Variants in NLRP2 observed in about 807,000 individuals in gnomAD.
NLRP2 encodes the protein NACHT, LRR and PYD domains-containing protein 2.
A neutral mutation model predicts 97.2 loss-of-function variants in NLRP2; 107 were observed. The observed-to-expected ratio is 1.10, with a 90% CI of 0.94 to 1.29. NLRP2 has a LOEUF of 1.29. NLRP2 is among the 50% of genes most tolerant of loss of function. The pLI, the probability that NLRP2 is intolerant of heterozygous loss-of-function variation, is 0.00. For missense variants in NLRP2, 1,495 were observed against 1,330.3 expected (o/e 1.12, Z -1.93); for synonymous variants, 663 against 551.5 (o/e 1.20, Z -2.83).
rs1453006401 is a variant in NLRP2 at position 54,994,396 on chromosome 19, T to C, written c.2836T>C (p.Cys946Arg). 1 of 1,613,456 alleles carries C rather than the reference T, an allele frequency of 6.2e-7. No homozygotes were observed. Among genetic ancestry groups the C allele is most frequent in the African/African-American group, 1.3e-5 (1 of 74,894 alleles). Residue 946 changes from cysteine (C) to arginine (R), a missense_variant, in exon 11 of 13, where the codon TGT becomes CGT. Coordinates refer to ENST00000448584, the MANE Select transcript of NLRP2 (RefSeq NM_017852.5). The stretch of plus-strand genomic sequence containing the variant: ...AGGAGTTAAGGGAATGAAGTTCCTG[T>C]GTGAGGCTTTGAGGAAACCACTGTG... ...HIGVKGMKFL[C>R]EALRKPLCNL... is the part of the protein sequence containing the mutation.
At chr19:54,976,486 A>G (rs2146382918) in intron 3 of NLRP2, among the ~76,000 whole-genome samples, 1 of 151,816 alleles carries the variant, frequency 6.6e-6, no homozygotes, top group African/African-American at 2.4e-5. Flanking sequence ...AGCTGGGATT[A>G]CAGGCGCCTA....
At chr19:54,984,415 C>T (rs889502377) in intron 6 of NLRP2, among the ~76,000 whole-genome samples, 2 of 131,394 alleles carry the variant, frequency 1.5e-5, no homozygotes, top group African/African-American at 5.6e-5. Context: ...ACTGAGATTA[C>T]AGGCATGAGT....
At chr19:54,988,676 C>T (rs1022820163) in intron 8 of NLRP2, among the ~76,000 whole-genome samples, 3 of 152,074 alleles carry the variant, frequency 2.0e-5, no homozygotes, top group African/African-American at 7.2e-5. Flanking sequence ...TGTGCCACCA[C>T]GCCCAGCTAA....
At chr19:54,977,487 T>TTG (rs61515967) in intron 3 of NLRP2, among the ~76,000 whole-genome samples, 21,003 of 147,338 alleles carry the variant, frequency 0.14, 1,676 homozygotes, top group Non-Finnish European at 0.18. Context: ...CGTGAGTAGT[T>TTG]TGTGTGTGTG....
intron 10 of NLRP2, among the ~76,000 whole-genome samples, chr19:54,992,574 G>GTTTTTTTTT (rs71181722): frequency 1.1e-5 from 1 of 94,974 alleles, no homozygotes; most frequent in Non-Finnish European, 2.0e-5. Flanking sequence ...TTTTTTTTTG[G>GTTTTTTTTT]TTTTTTTTTT....
Position 54,990,524 on chromosome 19 carries a change from G to A in NLRP2, c.2560G>A (p.Glu854Lys), listed in dbSNP as rs776814479. The change falls in exon 10 of 13, where the codon GAA becomes AAA. Residue 854 changes from glutamate (E) to lysine (K), a missense_variant. Coordinates refer to ENST00000448584, the MANE Select transcript of NLRP2 (RefSeq NM_017852.5). ...TAGGTTGGAAAACTGTCACCTTACA[G>A]AAGCCAATTGCAAGGACCTTGCTGC... ...RLSLENCHLTEANCKDLAAVL... is the reference protein window; with the variant it reads ...RLSLENCHLTKANCKDLAAVL... The A allele has an allele frequency of 6.2e-7, 1 of 1,614,172 alleles. No individual in the cohort carries two copies. The highest frequency in any genetic ancestry group is 8.5e-7 in the Non-Finnish European group (1 of 1,180,034).
chr19:54,970,254 A>C lies in NLRP2; in HGVS notation c.239A>C (p.His80Pro), dbSNP rs199475706. Residue 80 changes from histidine (H) to proline (P), a missense_variant, in exon 2 of 13, where the codon CAC becomes CCC. Transcript: ENST00000448584. Reference sequence around the variant, plus strand: ...AGCCTCCAGGTCTTTGAAAAGATGCACCGAATGGATCTGTCTGAGAGAGCA... The same window carrying C: ...AGCCTCCAGGTCTTTGAAAAGATGCCCCGAATGGATCTGTCTGAGAGAGCA... ...MASLQVFEKM[H>P]RMDLSERAKD... 6.2e-7 allele frequency: 1 copy of C among 1,614,166 alleles called. No homozygotes were observed. Among genetic ancestry groups the C allele is most frequent in the East Asian group, 2.2e-5 (1 of 44,874 alleles).
intron 4 of NLRP2, 55 bp downstream of exon 4, chr19:54,977,878 C>G: frequency 1.4e-6 from 2 of 1,470,138 alleles, no homozygotes; most frequent in Admixed American, 1.7e-5. Flanking sequence ...CCCGTTCTTG[C>G]TGCTATCTCC....
At chr19:54,989,952 C>A (rs2072347513) in intron 8 of NLRP2, 70 bp from the exon 9 acceptor site, 1 of 1,565,270 alleles carries the variant, frequency 6.4e-7, no homozygotes, top group Non-Finnish European at 8.8e-7. Flanking sequence ...GATTGCGCCA[C>A]CTGGGCAACA....
chr19:54,998,631 C>CTTTTTTTTTTTTTTTTTT (rs1179005483), intron 12 of NLRP2, among the ~76,000 whole-genome samples: 47 of 61,120 alleles, frequency 7.7e-4, no homozygotes, highest in African/African-American at 1.1e-3. Flanking sequence ...TTTTTTTTTC[C>CTTTTTTTTTTTTTTTTTT]TTTTTTTTTT....
chr19:54,997,638 A>T, intron 12 of NLRP2, 151 bp downstream of exon 12: 1 of 858,522 alleles, frequency 1.2e-6, no homozygotes, highest in Non-Finnish European at 1.9e-6. Flanking sequence ...TTTCACTTGG[A>T]GAAACGGGGT....
intron 12 of NLRP2, among the ~76,000 whole-genome samples, chr19:54,997,771 T>TC (rs1364134705): frequency 6.6e-6 from 1 of 150,536 alleles, no homozygotes; most frequent in Non-Finnish European, 1.5e-5. Flanking sequence ...TTTTTTTTTT[T>TC]CCTTTGAGGC....
At position 54,982,772 on chromosome 19, in the gene NLRP2, C is replaced by T. The variant is rs756888601; in HGVS notation, c.1074C>T (p.Gly358=). The change falls in exon 6 of 13, where the codon GGC becomes GGT. Residue 358 remains glycine (G), a synonymous_variant. Transcript: ENST00000448584. ...AGCCGATCTACATAAGGGTGGAGGGCTTCCTGGAGGAGGACAGGAGGGCCT... is the reference window on the plus strand; with the variant it reads ...AGCCGATCTACATAAGGGTGGAGGGTTTCCTGGAGGAGGACAGGAGGGCCT... ...AEEPIYIRVE[G]FLEEDRRAYF... is the part of the protein sequence containing the mutation. 5.0e-6 allele frequency: 8 copies of T among 1,614,016 alleles called. No individual in the cohort carries two copies. In the African/African-American group the frequency reaches 5.3e-5, roughly 11 times the overall value.
chr19:54,984,329 G>GTGTGTTTTTTTTTT, intron 6 of NLRP2, among the ~76,000 whole-genome samples: 3 of 79,670 alleles, frequency 3.8e-5, no homozygotes, highest in Admixed American at 1.5e-4. Context: ...TTTTTTTTGT[G>GTGTGTTTTTTTTTT]TTTTTTTTTT....
chr19:54,982,036 C>T, intron 5 of NLRP2, 126 bp from the exon 6 acceptor site: 1 of 1,240,328 alleles, frequency 8.1e-7, no homozygotes, highest in South Asian at 1.2e-5. Context: ...CCTCGACCTC[C>T]CAAAGGGCTG....
intron 8 of NLRP2, chr19:54,989,777 A>G (rs2072333974): frequency 1.7e-6 from 1 of 573,610 alleles, no homozygotes; most frequent in Non-Finnish European, 3.1e-6. Context: ...TGAGATTGGG[A>G]GTTTGAGACC....
At position 54,977,746 on chromosome 19, in the gene NLRP2, C is replaced by T. The variant is rs187773806; in HGVS notation, c.326-6C>T. ...ACAGGCCTGTAATGCCGCCCTTTTT[C>T]TCCAGGGATAACACGGAAAGAACGA... On this transcript the variant is annotated splice_polypyrimidine_tract_variant and splice_region_variant and intron_variant, in intron 3 of 12. Coordinates refer to ENST00000448584, the MANE Select transcript of NLRP2 (RefSeq NM_017852.5). 2.5e-6 allele frequency: 4 copies of T among 1,613,826 alleles called. No individual in the cohort carries two copies. In the African/African-American group the frequency reaches 5.3e-5, roughly 22 times the overall value.
At position 54,968,018 on chromosome 19, in the gene NLRP2, A is replaced by G. The variant is rs1173737105; in HGVS notation, c.-18+1551A>G. Among the ~76,000 whole-genome samples the G allele has an allele frequency of 2.7e-5, 4 of 150,406 alleles. No individual in the cohort carries two copies. The Admixed American group carries it at 2.7e-4, about 10-fold the overall frequency. ...ACTGCAACTTCCACCTCCCAGGTTC[A>G]AGCAATTCTCGTGCCTCAGCCTTCT... On this transcript the variant is annotated intron_variant, in intron 1 of 12. Coordinates refer to ENST00000448584, the MANE Select transcript of NLRP2 (RefSeq NM_017852.5).
intron 3 of NLRP2, among the ~76,000 whole-genome samples, chr19:54,977,145 C>G (rs924019938): frequency 6.6e-6 from 1 of 152,018 alleles, no homozygotes; most frequent in Admixed American, 6.6e-5. Context: ...TTTCCCAGTT[C>G]ATTTTAAATT....
Sources: gnomAD v4.1 joint callset for allele counts (sites outside exome capture counted in the v4.1 genomes callset) on GRCh38, gnomAD v4.1.1 for gene constraint, MANE v1.5 for transcripts, NCBI Gene and HGNC (gene_info 2026-07-23, HGNC 2026-07-21) for gene names.